Variants in VPS13B observed in about 807,000 individuals in gnomAD.
The protein encoded by VPS13B is vacuolar protein sorting 13 homolog B.
In VPS13B, 285 loss-of-function variants were observed where a neutral mutation model predicts 426.4. The observed-to-expected ratio is 0.67, with a 90% CI of 0.61 to 0.74. The LOEUF (loss-of-function observed/expected upper bound fraction) is 0.74. Ranked by LOEUF, VPS13B falls within the 30% of genes least tolerant of loss-of-function variation. VPS13B has a pLI of 0.00. For missense variants in VPS13B, 4,537 were observed against 4,782.6 expected, an observed-to-expected ratio of 0.95 and a Z score of 1.51; for synonymous variants, 1,676 against 1,676.4, an observed-to-expected ratio of 1.00 and a Z score of 0.01.
intron 43 of VPS13B, among the ~76,000 whole-genome samples, chr8:99,794,526 C>A (rs1224626030): frequency 6.6e-6 from 1 of 152,154 alleles, no homozygotes; most frequent in African/African-American, 2.4e-5. Flanking sequence ...AGAAATAGCT[C>A]CCCGTTGCTC....
chr8:99,092,462 G>A (rs1247790975), intron 3 of VPS13B, among the ~76,000 whole-genome samples: 4 of 152,096 alleles, frequency 2.6e-5, no homozygotes, highest in African/African-American at 4.8e-5. Context: ...TTCAATGAAC[G>A]AAAACTGTGT....
At chr8:99,371,353 C>T (rs78185539) in intron 19 of VPS13B, among the ~76,000 whole-genome samples, 7,567 of 152,156 alleles carry the variant, frequency 0.05, 211 homozygotes, top group African/African-American at 0.072. Flanking sequence ...ATCCTTTTCC[C>T]GTTGCTTGTT....
chr8:99,466,596 T>C (rs1320524430), intron 23 of VPS13B, among the ~76,000 whole-genome samples: 4 of 152,142 alleles, frequency 2.6e-5, no homozygotes, highest in African/African-American at 4.8e-5. Context: ...CTGAGATAAG[T>C]CAGTAAAAGC....
At chr8:99,839,614 T>C (rs938747351) in intron 54 of VPS13B, among the ~76,000 whole-genome samples, 1 of 152,224 alleles carries the variant, frequency 6.6e-6, no homozygotes, top group East Asian at 1.9e-4. Context: ...TCTGCTCCCA[T>C]GTGGTCTAGT....
Position 99,854,297 on chromosome 8 carries a change from G to A in VPS13B, c.10867+41G>A, listed in dbSNP as rs763070363. The A allele has an allele frequency of 5.4e-5, 86 of 1,595,878 alleles. No homozygotes were observed. Among genetic ancestry groups the A allele is most frequent in the East Asian group, 2.3e-4 (10 of 44,188 alleles). The stretch of plus-strand genomic sequence containing the variant: ...GAGGGTCTGTGATGAGCTAGAGCCC[G>A]GGTAGAAATGACACGCTTGGGGGTA... On this transcript the variant is annotated intron_variant, in intron 56 of 61. Transcript: ENST00000357162.
chr8:99,686,551 G>A (rs537945731), intron 35 of VPS13B, among the ~76,000 whole-genome samples: 1 of 152,022 alleles, frequency 6.6e-6, no homozygotes, highest in East Asian at 1.9e-4. Flanking sequence ...GAATGAGCTG[G>A]CACCCAAGCC....
At chr8:99,225,267 C>CTTCTT (rs1011601980) in intron 17 of VPS13B, among the ~76,000 whole-genome samples, 1 of 151,906 alleles carries the variant, frequency 6.6e-6, no homozygotes, top group African/African-American at 2.4e-5. Flanking sequence ...AAATTTAACT[C>CTTCTT]TTCTTTTCTT....
chr8:99,307,603 T>G (rs552493832), intron 19 of VPS13B, among the ~76,000 whole-genome samples: 1 of 152,258 alleles, frequency 6.6e-6, no homozygotes, highest in Admixed American at 6.5e-5. Context: ...CAACAGTATA[T>G]GCTATTTCAC....
chr8:99,489,629 AG>A (rs1432828301), intron 25 of VPS13B, among the ~76,000 whole-genome samples: 1 of 152,042 alleles, frequency 6.6e-6, no homozygotes, highest in African/African-American at 2.4e-5. Flanking sequence ...ATCCCTTGTA[AG>A]TTGAATTCCT....
intron 3 of VPS13B, among the ~76,000 whole-genome samples, chr8:99,063,092 A>C (rs1391410601): frequency 1.3e-5 from 2 of 152,180 alleles, no homozygotes; most frequent in Non-Finnish European, 2.9e-5. Flanking sequence ...ACAATCCATA[A>C]ATTGACTCTT....
chr8:99,695,572 T>G (rs1831935203), intron 35 of VPS13B, among the ~76,000 whole-genome samples: 3 of 122,778 alleles, frequency 2.4e-5, no homozygotes, highest in Admixed American at 7.8e-5. Context: ...GGGGGAGGGA[T>G]AGCACTGGGA....
intron 17 of VPS13B, among the ~76,000 whole-genome samples, chr8:99,203,823 A>T (rs898856983): frequency 2.0e-5 from 3 of 152,312 alleles, no homozygotes; most frequent in African/African-American, 7.2e-5. Flanking sequence ...GACCTCTTCA[A>T]GGAGAACTAT....
chr8:99,594,416 G>A (rs1208363623), intron 33 of VPS13B, among the ~76,000 whole-genome samples: 1 of 151,914 alleles, frequency 6.6e-6, no homozygotes, highest in Non-Finnish European at 1.5e-5. Flanking sequence ...ATTTTCCATA[G>A]TGATTGTTAT....
intron 19 of VPS13B, among the ~76,000 whole-genome samples, chr8:99,333,132 A>T (rs906007628): frequency 1.3e-5 from 2 of 151,688 alleles, no homozygotes; most frequent in African/African-American, 4.8e-5. Flanking sequence ...TGTAGAGTTT[A>T]TATATTTTAG....
intron 23 of VPS13B, among the ~76,000 whole-genome samples, chr8:99,465,199 T>C (rs1345593808): frequency 8.5e-5 from 13 of 152,120 alleles, no homozygotes; most frequent in Non-Finnish European, 4.4e-5. Context: ...TTTGCCAGTA[T>C]TATAAGTAGA....
At chr8:99,834,211 T>C (rs1028107463) in intron 52 of VPS13B, among the ~76,000 whole-genome samples, 1 of 152,262 alleles carries the variant, frequency 6.6e-6, no homozygotes, top group Admixed American at 6.5e-5. Context: ...ATTTCTTTGA[T>C]TAATTTTGGC....
intron 14 of VPS13B, among the ~76,000 whole-genome samples, chr8:99,153,801 A>G (rs980056632): frequency 6.6e-6 from 1 of 151,796 alleles, no homozygotes; most frequent in Non-Finnish European, 1.5e-5. Context: ...TTTTATGTAG[A>G]TGTGAAATTC....
chr8:99,384,500 A>G (rs534158031), intron 20 of VPS13B, among the ~76,000 whole-genome samples, 183 bp downstream of exon 20: 3 of 152,286 alleles, frequency 2.0e-5, no homozygotes, highest in South Asian at 2.1e-4. Flanking sequence ...GCATGTCAGT[A>G]TAAAGTTTCT....
rs957381262 is a variant in VPS13B, at chr8:99,632,400, T to C, written c.5221-9411T>C. 2.6e-5 allele frequency among the ~76,000 whole-genome samples: 4 copies of C among 151,986 alleles called. No individual in the cohort carries two copies. The East Asian group carries it at 7.7e-4, about 29-fold the overall frequency. ...TCCAAGCTTAATGTATACATTAGAT[T>C]ACCTTCATTAATATACAGAAAGTTG... is the stretch of plus-strand genomic sequence containing the variant. On this transcript the variant is annotated intron_variant, in intron 33 of 61. Transcript: ENST00000357162.
Sources: gnomAD v4.1 joint callset for allele counts (sites outside exome capture counted in the v4.1 genomes callset) on GRCh38, gnomAD v4.1.1 for gene constraint, MANE v1.5 for transcripts, NCBI Gene and HGNC (gene_info 2026-07-23, HGNC 2026-07-21) for gene names.